The following SNAP91 variants were observed in gnomAD, a reference collection of about 807,000 sequenced individuals.
The protein encoded by SNAP91 is clathrin coat assembly protein AP180.
Under a neutral mutation model 100.3 loss-of-function variants are expected in SNAP91, and 27 were observed. That is an observed-to-expected ratio of 0.27 (90% CI 0.20 to 0.37). SNAP91 has a LOEUF of 0.37. Among genes scored for constraint, SNAP91 ranks in the 10% least tolerant of loss-of-function variants. The pLI is 1.00. For missense variants in SNAP91, 986 were observed against 1,123.7 expected, an observed-to-expected ratio of 0.88 and a Z score of 1.75; for synonymous variants, 404 against 398.6, an observed-to-expected ratio of 1.01 and a Z score of -0.16.
At chr6:83,582,887 G>A (rs570009696) in intron 22 of SNAP91, among the ~76,000 whole-genome samples, 26 of 152,112 alleles carry the variant, frequency 1.7e-4, no homozygotes, top group Non-Finnish European at 3.5e-4. Flanking sequence ...GAACAGTCAC[G>A]GAGTGGGATG....
chr6:83,570,565 A>G (rs11757349), intron 26 of SNAP91, among the ~76,000 whole-genome samples: 26,195 of 132,546 alleles, frequency 0.2, 3,094 homozygotes, highest in South Asian at 0.3. Context: ...GCGGGGGGGG[A>G]AGTGGTTTCA....
At chr6:83,599,819 C>T (rs562366699) in intron 16 of SNAP91, among the ~76,000 whole-genome samples, 1 of 152,242 alleles carries the variant, frequency 6.6e-6, no homozygotes, top group Non-Finnish European at 1.5e-5. Context: ...CAGGGCCTTG[C>T]TCTTCACCTA....
In SNAP91 at chr6:83,607,738, A is replaced by G; in HGVS notation, c.983T>C (p.Val328Ala). The G allele has an allele frequency of 1.9e-6, 3 of 1,594,290 alleles. No individual in the cohort carries two copies. The highest frequency in any genetic ancestry group is 2.3e-5 in the East Asian group (1 of 44,300). ...PAKTIDTSPP[V>A]DLFATASAAV... ...CGCAGATGCAGTTGCAAATAAATCA[A>G]CCGGTGGGGATGTGTCAATAGTTTT... Residue 328 changes from valine to alanine, a missense_variant, in exon 13 of 30, where the codon GTT becomes GCT. Around this residue, in one of 4 missense-constraint regions of SNAP91, gnomAD observed 330 missense variants for 447.5 expected, o/e 0.74. Coordinates refer to ENST00000369694, the MANE Select transcript of SNAP91 (RefSeq NM_001242792.2).
chr6:83,698,339 A>AAAAG (rs1349483801), intron 2 of SNAP91, among the ~76,000 whole-genome samples: 1 of 151,704 alleles, frequency 6.6e-6, no homozygotes, highest in Non-Finnish European at 1.5e-5. Context: ...AAAAAAAAAA[A>AAAAG]AAAGAAAGAA....
At chr6:83,681,013 A>G (rs572586634) in intron 2 of SNAP91, among the ~76,000 whole-genome samples, 1 of 152,272 alleles carries the variant, frequency 6.6e-6, no homozygotes, top group South Asian at 2.1e-4. Flanking sequence ...ATGTGTGCAT[A>G]GTGCTTACAA....
At chr6:83,615,190 G>C (rs933634549) in intron 10 of SNAP91, among the ~76,000 whole-genome samples, 5 of 152,026 alleles carry the variant, frequency 3.3e-5, no homozygotes, top group Admixed American at 3.3e-4. Context: ...GGGCTAATGA[G>C]ACCCATTCTA....
intron 23 of SNAP91, 21 bp downstream of exon 23, chr6:83,582,201 G>C: frequency 6.2e-7 from 1 of 1,612,064 alleles, no homozygotes; most frequent in Non-Finnish European, 8.5e-7. Context: ...TGAAAAGAAT[G>C]TTTGAAAGTC....
At chr6:83,691,622 G>C (rs2099131354) in intron 2 of SNAP91, among the ~76,000 whole-genome samples, 1 of 151,910 alleles carries the variant, frequency 6.6e-6, no homozygotes, top group South Asian at 2.1e-4. Flanking sequence ...TACGTCTTCA[G>C]CTCCAACCTA....
intron 2 of SNAP91, among the ~76,000 whole-genome samples, chr6:83,695,498 A>G (rs1188132630): frequency 6.6e-6 from 1 of 152,100 alleles, no homozygotes; most frequent in Non-Finnish European, 1.5e-5. Context: ...GCATTCTCCT[A>G]TATACATTGA....
chr6:83,657,030 T>C (rs1308090202), intron 6 of SNAP91, among the ~76,000 whole-genome samples, 165 bp from the exon 7 acceptor site: 31 of 152,178 alleles, frequency 2.0e-4, no homozygotes, highest in Admixed American at 2.0e-3. Context: ...GGACTACATA[T>C]GTTTTTGCTT....
chr6:83,607,083 C>T (rs1431802931), intron 13 of SNAP91, among the ~76,000 whole-genome samples: 1 of 152,112 alleles, frequency 6.6e-6, no homozygotes, highest in African/African-American at 2.4e-5. Context: ...TTAGAATCCT[C>T]TTAAGGCAAA....
intron 2 of SNAP91, among the ~76,000 whole-genome samples, chr6:83,684,119 A>G (rs2099028790): frequency 6.6e-6 from 1 of 152,232 alleles, no homozygotes; most frequent in African/African-American, 2.4e-5. Context: ...ATAGTTTCAT[A>G]CAATCTAGTC....
At position 83,561,040 on chromosome 6, in the gene SNAP91, G is replaced by A. The variant is rs575452620; in HGVS notation, c.2443-93C>T. ...ACAAACAAAAAGAACAATATAATTT[G>A]GTATTTATTTATTTATTTTAAAGAT... On this transcript the variant is annotated intron_variant, in intron 26 of 29. Coordinates refer to ENST00000369694, the MANE Select transcript of SNAP91 (RefSeq NM_001242792.2). 1.4e-5 allele frequency: 12 copies of A among 838,672 alleles called. No homozygotes were observed. The African/African-American group carries it at 2.1e-4, about 15-fold the overall frequency. 52.0% of individuals were successfully genotyped at this position (838,672 alleles called of 1,614,324 possible).
intron 28 of SNAP91, among the ~76,000 whole-genome samples, chr6:83,559,710 T>C (rs1404081802): frequency 6.6e-6 from 1 of 152,148 alleles, no homozygotes; most frequent in African/African-American, 2.4e-5. Flanking sequence ...TTATTGCAGT[T>C]AGTGTCACGA....
intron 22 of SNAP91, among the ~76,000 whole-genome samples, chr6:83,589,717 T>C (rs2093438395): frequency 6.6e-6 from 1 of 152,092 alleles, no homozygotes; most frequent in Non-Finnish European, 1.5e-5. Flanking sequence ...CAGTCTGAAT[T>C]ACTGATGGAA....
At chr6:83,560,838 A>C in intron 27 of SNAP91, 26 bp downstream of exon 27, 1 of 1,600,910 alleles carries the variant, frequency 6.2e-7, no homozygotes, top group East Asian at 2.2e-5. Context: ...TGTTGATTAC[A>C]ATTTTTAGCA....
chr6:83,707,663 G>T (rs767881324), intron 2 of SNAP91, 135 bp downstream of exon 2: 3 of 1,200,682 alleles, frequency 2.5e-6, no homozygotes, highest in African/African-American at 1.6e-5. Context: ...CACAGCTGAA[G>T]AATTTCAGCT....
Position 83,708,251 on chromosome 6 carries a change from C to T in SNAP91, c.-30-294G>A, listed in dbSNP as rs987459455. 3 of 285,558 alleles carry T rather than the reference C, an allele frequency of 1.1e-5. No individual in the cohort carries two copies. The South Asian group carries it at 2.1e-4, about 20-fold the overall frequency. 17.7% of individuals were successfully genotyped at this position (285,558 alleles called of 1,614,324 possible). A position where few individuals can be genotyped will look rare whatever the true frequency, so the allele number is the denominator to read the frequency against. Reference sequence around the variant, plus strand: ...AGGGCCAGACTCACCCCCTGGGGACCCCCCTGTCAATCAGCACTTTCCCCG... The same window carrying T: ...AGGGCCAGACTCACCCCCTGGGGACTCCCCTGTCAATCAGCACTTTCCCCG... On this transcript the variant is annotated intron_variant, in intron 1 of 29. Coordinates refer to ENST00000369694, the MANE Select transcript of SNAP91 (RefSeq NM_001242792.2).
intron 4 of SNAP91, 41 bp downstream of exon 4, chr6:83,662,306 C>G (rs780280912): frequency 2.1e-6 from 2 of 935,716 alleles, no homozygotes; most frequent in Non-Finnish European, 3.0e-6. Flanking sequence ...CTTCAAAAAT[C>G]AAAGCATTGG....
Sources: allele counts gnomAD v4.1 joint callset (sites outside exome capture counted in the v4.1 genomes callset), GRCh38; gene constraint gnomAD v4.1.1; regional missense constraint gnomAD v4.1.1; transcripts MANE v1.5; gene names NCBI Gene and HGNC (gene_info 2026-07-23, HGNC 2026-07-21).